The following IHO1 variants were observed in gnomAD, a reference collection of about 807,000 sequenced individuals.
IHO1 encodes the protein interactor of HORMAD1 1.
Under a neutral mutation model 31.0 loss-of-function variants are expected in IHO1, and 13 were observed. The ratio of observed to expected loss-of-function variants is 0.42; its 90% CI spans 0.27 to 0.67. The LOEUF (loss-of-function observed/expected upper bound fraction) is 0.67, where lower values mean the gene tolerates loss of function less well. Ranked by LOEUF, IHO1 falls within the 30% of genes least tolerant of loss-of-function variation. IHO1 has a pLI of 0.24. For missense variants in IHO1, 599 were observed against 687.5 expected (o/e 0.87, Z 1.44); for synonymous variants, 221 against 248.4 (o/e 0.89, Z 1.04).
intron 2 of IHO1, among the ~76,000 whole-genome samples, chr3:49,224,214 A>G (rs1301389288): frequency 6.6e-6 from 1 of 152,180 alleles, no homozygotes; most frequent in Non-Finnish European, 1.5e-5. Context: ...TCAGTCGGGG[A>G]ATACTGGGGC....
intron 2 of IHO1, among the ~76,000 whole-genome samples, chr3:49,221,352 G>A (rs186781281): frequency 6.6e-6 from 1 of 152,244 alleles, no homozygotes; most frequent in Admixed American, 6.5e-5. Context: ...TATACACATA[G>A]TGCTGATTGG....
chr3:49,209,220 T>C (rs956896739), intron 1 of IHO1, among the ~76,000 whole-genome samples: 3 of 152,232 alleles, frequency 2.0e-5, no homozygotes, highest in African/African-American at 7.2e-5. Context: ...GGGGGGAGTT[T>C]GGTCATGTAG....
At chr3:49,210,856 C>T (rs1305958170) in intron 1 of IHO1, among the ~76,000 whole-genome samples, 2 of 151,694 alleles carry the variant, frequency 1.3e-5, no homozygotes, top group Non-Finnish European at 2.9e-5. Context: ...TCCCACCACA[C>T]CCAGGTAATT....
chr3:49,211,154 C>T (rs2046208328), intron 1 of IHO1, among the ~76,000 whole-genome samples: 1 of 151,632 alleles, frequency 6.6e-6, no homozygotes, highest in Admixed American at 6.6e-5. Flanking sequence ...ACTACAGGCA[C>T]CCACCACCAC....
chr3:49,205,682 C>T (rs551074406), intron 1 of IHO1, among the ~76,000 whole-genome samples: 79 of 151,722 alleles, frequency 5.2e-4, no homozygotes, highest in Non-Finnish European at 1.0e-3. Flanking sequence ...CTCATTGCAG[C>T]CTCCACCTCC....
At chr3:49,249,575 A>G (rs1387561603) in intron 6 of IHO1, among the ~76,000 whole-genome samples, 1 of 152,208 alleles carries the variant, frequency 6.6e-6, no homozygotes, top group Admixed American at 6.6e-5. Flanking sequence ...GCCATGGACA[A>G]CATTTTTATA....
intron 1 of IHO1, among the ~76,000 whole-genome samples, chr3:49,210,587 C>A (rs1177478021): frequency 6.6e-6 from 1 of 151,662 alleles, no homozygotes; most frequent in Non-Finnish European, 1.5e-5. Context: ...TTAGTAGAGA[C>A]AGGGTTTCTT....
At chr3:49,191,576 C>G in the IHO1 span, 1 of 749,056 alleles carries the variant, frequency 1.3e-6, no homozygotes, top group Non-Finnish European at 2.4e-6. Flanking sequence ...GAAGACTAGG[C>G]AGCCTCCAGG....
chr3:49,196,972 G>A (rs563328480), upstream of IHO1, among the ~76,000 whole-genome samples: 14 of 118,248 alleles, frequency 1.2e-4, no homozygotes, highest in Admixed American at 8.3e-4. Flanking sequence ...GCCAGGCCAC[G>A]TTTTTACTTT....
At chr3:49,231,220 G>A (rs1037663838) in intron 2 of IHO1, among the ~76,000 whole-genome samples, 5 of 152,202 alleles carry the variant, frequency 3.3e-5, no homozygotes, top group African/African-American at 1.2e-4. Flanking sequence ...TCCCTCTCAC[G>A]AAGGCACAAA....
In IHO1 at chr3:49,256,367, C is replaced by G; in HGVS notation, c.870C>G (p.Thr290=). 6.2e-7 allele frequency: 1 copy of G among 1,614,158 alleles called. No individual in the cohort carries two copies. Among genetic ancestry groups the G allele is most frequent in the East Asian group, 2.2e-5 (1 of 44,878 alleles). Residue 290 remains threonine (T), a synonymous_variant, in exon 8 of 8, where the codon ACC becomes ACG. Transcript: ENST00000452691. This position sits in a 1 kb window ranked among gnomAD's most constrained non-coding sequence, Gnocchi z 4.6. ...ATCTCACCAGGCAGGAAAAATACAC[C>G]TCTGAGAAACCAGTTTTATGGCAGG... ...SLNLTRQEKY[T]SEKPVLWQAQ... is the part of the protein sequence containing the mutation.
intron 1 of IHO1, among the ~76,000 whole-genome samples, chr3:49,209,830 T>C (rs1281612374): frequency 6.6e-6 from 1 of 151,080 alleles, no homozygotes; most frequent in Admixed American, 6.6e-5. Flanking sequence ...TTCTCCTGCC[T>C]CAGCCTCCCA....
chr3:49,233,408 C>G (rs1486897072), intron 2 of IHO1, among the ~76,000 whole-genome samples: 2 of 152,092 alleles, frequency 1.3e-5, no homozygotes, highest in African/African-American at 4.8e-5. Context: ...TTGGATGTTG[C>G]AAAATTAAAA....
At chr3:49,238,874 G>C (rs756152892) in intron 3 of IHO1, among the ~76,000 whole-genome samples, 8 of 152,172 alleles carry the variant, frequency 5.3e-5, no homozygotes, top group Non-Finnish European at 1.0e-4. Context: ...CCTGGGAATG[G>C]GAGGAGAGGG....
chr3:49,218,376 CTTTTTTTTTTT>C (rs34312848), intron 2 of IHO1, among the ~76,000 whole-genome samples: 2 of 105,830 alleles, frequency 1.9e-5, no homozygotes, highest in Non-Finnish European at 3.8e-5. Flanking sequence ...CAGTTAATAC[CTTTTTTTTTTT>C]TTTTTTTTTT....
At chr3:49,240,921 T>A (rs936633426) in intron 3 of IHO1, among the ~76,000 whole-genome samples, 1 of 152,194 alleles carries the variant, frequency 6.6e-6, no homozygotes, top group Non-Finnish European at 1.5e-5. Context: ...ACACATCATG[T>A]CAGAAATAGC....
chr3:49,212,050 G>T (rs949484692), intron 2 of IHO1, among the ~76,000 whole-genome samples: 18 of 151,736 alleles, frequency 1.2e-4, no homozygotes, highest in Admixed American at 1.2e-3. Context: ...TATAGTCCCA[G>T]CTACTCAGGA....
chr3:49,243,118 T>C (rs1457717682), intron 4 of IHO1, among the ~76,000 whole-genome samples: 1 of 152,064 alleles, frequency 6.6e-6, no homozygotes, highest in East Asian at 1.9e-4. Context: ...GTTTTCATCA[T>C]ACAATGCATG....
intron 1 of IHO1, 66 bp from the exon 2 acceptor site, chr3:49,211,700 C>T: frequency 1.5e-6 from 1 of 686,726 alleles, no homozygotes; most frequent in Non-Finnish European, 2.6e-6. Flanking sequence ...ATATAATAGT[C>T]ACTAGTAATC....
Sources: gnomAD v4.1 joint callset for allele counts (sites outside exome capture counted in the v4.1 genomes callset) on GRCh38, gnomAD v4.1.1 for gene constraint, Gnocchi (gnomAD v3.1) non-coding constraint, MANE v1.5 for transcripts, NCBI Gene and HGNC (gene_info 2026-07-23, HGNC 2026-07-21) for gene names.